ADAM19: variants seen among roughly 807,000 people sequenced by gnomAD.
The protein encoded by ADAM19 is ADAM metallopeptidase domain 19.
A neutral mutation model predicts 114.7 loss-of-function variants in ADAM19; 65 were observed. The observed-to-expected ratio is 0.57, with a 90% CI of 0.46 to 0.70. The LOEUF is 0.70. ADAM19 is among the 30% of genes least tolerant of loss of function. The probability of loss-of-function intolerance (pLI) is 0.00; values close to 1 mark genes in which losing one functional copy is unlikely to be tolerated. For missense variants in ADAM19, 1,063 were observed against 1,204.7 expected, an observed-to-expected ratio of 0.88 and a Z score of 1.74; for synonymous variants, 466 against 460.5, an observed-to-expected ratio of 1.01 and a Z score of -0.15.
intron 18 of ADAM19, among the ~76,000 whole-genome samples, chr5:157,491,138 T>TTA (rs1255288686): frequency 2.7e-5 from 4 of 150,020 alleles, no homozygotes; most frequent in African/African-American, 9.8e-5. Context: ...CTATTTTTTT[T>TTA]AAAAAAAAAA....
chr5:157,558,255 T>C (rs1386474602), intron 3 of ADAM19, among the ~76,000 whole-genome samples: 3 of 152,220 alleles, frequency 2.0e-5, no homozygotes, highest in Admixed American at 6.5e-5. Flanking sequence ...CAGGCAGCTC[T>C]CATCAAATTC....
intron 21 of ADAM19, among the ~76,000 whole-genome samples, chr5:157,482,708 A>G (rs1372666856): frequency 6.6e-6 from 1 of 152,244 alleles, no homozygotes; most frequent in African/African-American, 2.4e-5. Context: ...ACTACTGGAT[A>G]TATACCCAAA....
chr5:157,522,787 A>G (rs554772438), intron 5 of ADAM19, among the ~76,000 whole-genome samples: 1 of 152,216 alleles, frequency 6.6e-6, no homozygotes, highest in Admixed American at 6.5e-5. Flanking sequence ...CTCCATCTCC[A>G]AAAGAAAAAA....
intron 3 of ADAM19, among the ~76,000 whole-genome samples, chr5:157,562,299 G>C (rs1246754228): frequency 6.6e-6 from 1 of 152,196 alleles, no homozygotes; most frequent in East Asian, 1.9e-4. Flanking sequence ...CAACTCTGCT[G>C]CCTTCTGCCA....
At chr5:157,514,922 AT>A (rs996106494) in intron 7 of ADAM19, among the ~76,000 whole-genome samples, 1 of 152,196 alleles carries the variant, frequency 6.6e-6, no homozygotes, top group Non-Finnish European at 1.5e-5. Flanking sequence ...TATACATGTT[AT>A]TTTGATTCAA....
At position 157,486,057 on chromosome 5, in the gene ADAM19, T is replaced by G. The variant is rs563406318; in HGVS notation, c.2550+2208A>C. On this transcript the variant is annotated intron_variant, in intron 21 of 22. Coordinates refer to ENST00000257527, the MANE Select transcript of ADAM19 (RefSeq NM_033274.5). Reference sequence around the variant, plus strand: ...AAGTGATGAGGTTTCATCTATCACTTCTCCAGGGGGTCCATGTCCCCCAGC... The same window carrying G: ...AAGTGATGAGGTTTCATCTATCACTGCTCCAGGGGGTCCATGTCCCCCAGC... Among the ~76,000 whole-genome samples the G allele has an allele frequency of 3.3e-5, 5 of 152,222 alleles. 1 individual carries two copies. Among genetic ancestry groups the G allele is most frequent in the African/African-American group, 7.2e-5 (3 of 41,540 alleles).
chr5:157,499,688 A>C, intron 12 of ADAM19, 26 bp from the exon 13 acceptor site: 1 of 1,357,518 alleles, frequency 7.4e-7, no homozygotes, highest in Non-Finnish European at 1.0e-6. Context: ...GGTGGGTGTG[A>C]GTGGGGGAGG....
At chr5:157,521,057 A>C (rs925071953) in intron 5 of ADAM19, among the ~76,000 whole-genome samples, 1 of 152,214 alleles carries the variant, frequency 6.6e-6, no homozygotes, top group Non-Finnish European at 1.5e-5. Context: ...AGTCACTCTA[A>C]TGTATAACAG....
At chr5:157,562,948 G>C (rs760856100) in intron 3 of ADAM19, among the ~76,000 whole-genome samples, 2 of 152,100 alleles carry the variant, frequency 1.3e-5, no homozygotes, top group Admixed American at 1.3e-4. Flanking sequence ...CTCTACTGGG[G>C]GCAGAACAGG....
chr5:157,544,913 T>A (rs981970765), intron 3 of ADAM19, among the ~76,000 whole-genome samples: 1 of 151,912 alleles, frequency 6.6e-6, no homozygotes, highest in South Asian at 2.1e-4. Context: ...TGCCATATCA[T>A]AAAGAAAAAC....
In ADAM19 at chr5:157,570,936, T is replaced by C. The variant is rs1757802696; in HGVS notation, c.139A>G (p.Ile47Val). 6.2e-7 allele frequency: 1 copy of C among 1,614,104 alleles called. No homozygotes were observed. The highest frequency in any genetic ancestry group is 1.1e-5 in the South Asian group (1 of 91,090). Reference protein sequence around the residue: ...GSPKLQHELIIPQWKTSESPV... With the variant: ...GSPKLQHELIVPQWKTSESPV... The stretch of plus-strand genomic sequence containing the variant: ...CTTTCTGAAGTCTTCCACTGAGGTA[T>C]GATAAGTTCATGCTGCAGCTTGGGG... The change falls in exon 2 of 23, where the codon ATA becomes GTA. Residue 47 changes from isoleucine (I) to valine (V), a missense_variant. This residue lies in a region of ADAM19 where 615 missense variants were observed against 706.3 expected (regional missense o/e 0.87). Transcript: ENST00000257527.
intron 22 of ADAM19, 140 bp downstream of exon 22, chr5:157,481,651 T>C: frequency 6.4e-7 from 1 of 1,551,490 alleles, no homozygotes; most frequent in Non-Finnish European, 8.7e-7. Context: ...GAAACATGAA[T>C]GTTTTGCCCT....
At chr5:157,535,270 C>G (rs560785694) in intron 4 of ADAM19, among the ~76,000 whole-genome samples, 1 of 152,368 alleles carries the variant, frequency 6.6e-6, no homozygotes, top group African/African-American at 2.4e-5. Context: ...GGAACACATT[C>G]ACAGACCCAT....
intron 5 of ADAM19, among the ~76,000 whole-genome samples, chr5:157,522,740 C>T (rs926213072): frequency 2.0e-5 from 3 of 151,974 alleles, no homozygotes; most frequent in Admixed American, 6.6e-5. Context: ...GAGCTGAGAT[C>T]GCACCACTGC....
intron 14 of ADAM19, among the ~76,000 whole-genome samples, chr5:157,495,347 T>C (rs889157736): frequency 6.6e-6 from 1 of 152,054 alleles, no homozygotes; most frequent in African/African-American, 2.4e-5. Context: ...TATATTTGTG[T>C]GTGGGGAGGG....
intron 4 of ADAM19, among the ~76,000 whole-genome samples, chr5:157,536,420 G>C (rs185590415): frequency 6.6e-6 from 1 of 152,076 alleles, no homozygotes; most frequent in East Asian, 1.9e-4. Flanking sequence ...CTGAGGTCAG[G>C]AGTTCGAGAA....
chr5:157,527,393 G>A (rs1756496740), intron 5 of ADAM19, among the ~76,000 whole-genome samples: 1 of 152,162 alleles, frequency 6.6e-6, no homozygotes, highest in South Asian at 2.1e-4. Flanking sequence ...TGTATTTCTA[G>A]TAGAGATGGG....
chr5:157,554,719 T>C, intron 3 of ADAM19, among the ~76,000 whole-genome samples: 1 of 152,220 alleles, frequency 6.6e-6, no homozygotes, highest in South Asian at 2.1e-4. Context: ...ACAGTGTCTA[T>C]TTATTGTGCT....
At chr5:157,533,153 A>G (rs1177224207) in intron 4 of ADAM19, among the ~76,000 whole-genome samples, 1 of 152,182 alleles carries the variant, frequency 6.6e-6, no homozygotes, top group African/African-American at 2.4e-5. Flanking sequence ...CTGACACTCA[A>G]CACGGCCTCG....
Sources: allele counts gnomAD v4.1 joint callset (sites outside exome capture counted in the v4.1 genomes callset), GRCh38; gene constraint gnomAD v4.1.1; regional missense constraint gnomAD v4.1.1; transcripts MANE v1.5; gene names NCBI Gene and HGNC (gene_info 2026-07-23, HGNC 2026-07-21).